The following LDLRAD4 variants were observed in gnomAD, a reference collection of about 807,000 sequenced individuals.
LDLRAD4 encodes the protein low density lipoprotein receptor class A domain containing 4, also known as low-density lipoprotein receptor class A domain-containing protein 4.
A neutral mutation model predicts 17.0 loss-of-function variants in LDLRAD4; 5 were observed. The ratio of observed to expected loss-of-function variants is 0.29; its 90% CI spans 0.15 to 0.62. LDLRAD4 has a LOEUF of 0.62. LDLRAD4 is among the 20% of genes least tolerant of loss of function. LDLRAD4 has a pLI of 0.84. For missense variants in LDLRAD4, 340 were observed against 424.7 expected (o/e 0.80, Z 1.75); for synonymous variants, 168 against 171.8 (o/e 0.98, Z 0.17).
chr18:13,601,395 A>T (rs977831455), intron 3 of LDLRAD4, among the ~76,000 whole-genome samples: 3 of 152,150 alleles, frequency 2.0e-5, no homozygotes, highest in African/African-American at 7.2e-5. Context: ...CACTAACCAT[A>T]AGAGAAATGC....
At chr18:13,445,443 G>A (rs970696541) in intron 3 of LDLRAD4, among the ~76,000 whole-genome samples, 2 of 152,116 alleles carry the variant, frequency 1.3e-5, no homozygotes, top group Admixed American at 1.3e-4. Flanking sequence ...CATGGGTGGA[G>A]TGTGTATGCA....
At chr18:13,328,745 A>G (rs1026880196) in intron 1 of LDLRAD4, among the ~76,000 whole-genome samples, 4 of 152,234 alleles carry the variant, frequency 2.6e-5, no homozygotes, top group African/African-American at 7.2e-5. Flanking sequence ...AGCAGCTCAA[A>G]AAACATATAA....
intron 3 of LDLRAD4, among the ~76,000 whole-genome samples, chr18:13,441,907 T>C (rs1442452750): frequency 6.6e-6 from 1 of 151,996 alleles, no homozygotes; most frequent in South Asian, 2.1e-4. Context: ...GACCAAAGGG[T>C]TTTGCATGGA....
intron 1 of LDLRAD4, among the ~76,000 whole-genome samples, chr18:13,363,160 G>A (rs890824048): frequency 6.6e-6 from 1 of 151,900 alleles, no homozygotes; most frequent in South Asian, 2.1e-4. Flanking sequence ...GAAACCCCGT[G>A]TCTGCTAAAA....
intron 2 of LDLRAD4, among the ~76,000 whole-genome samples, chr18:13,409,862 G>A (rs975968587): frequency 2.0e-5 from 3 of 152,190 alleles, no homozygotes; most frequent in East Asian, 1.9e-4. Context: ...GTCTCAAAGT[G>A]TCTTTCCAAG....
At chr18:13,345,864 A>G (rs1008642688) in intron 1 of LDLRAD4, among the ~76,000 whole-genome samples, 1 of 152,108 alleles carries the variant, frequency 6.6e-6, no homozygotes, top group Non-Finnish European at 1.5e-5. Context: ...GTTTATTTGC[A>G]TAGAGGTGTT....
chr18:13,512,681 T>C (rs2093800570), intron 3 of LDLRAD4, among the ~76,000 whole-genome samples: 1 of 152,212 alleles, frequency 6.6e-6, no homozygotes, highest in South Asian at 2.1e-4. Flanking sequence ...AATTAGAGAT[T>C]GATTTTTCCA....
intron 1 of LDLRAD4, among the ~76,000 whole-genome samples, chr18:13,361,366 T>A (rs1238141000): frequency 6.6e-6 from 1 of 152,180 alleles, no homozygotes; most frequent in East Asian, 1.9e-4. Flanking sequence ...ATACCAACAT[T>A]TCTGGTGGTG....
chr18:13,340,285 A>T (rs1043485552), intron 1 of LDLRAD4, among the ~76,000 whole-genome samples: 6 of 152,306 alleles, frequency 3.9e-5, no homozygotes, highest in Admixed American at 6.5e-5. Flanking sequence ...GGATAGCTCC[A>T]GAAGTGGACT....
chr18:13,312,026 G>A (rs529918448), intron 1 of LDLRAD4, among the ~76,000 whole-genome samples: 36 of 151,916 alleles, frequency 2.4e-4, no homozygotes, highest in Admixed American at 3.3e-4. Context: ...TAGTAGAGAC[G>A]GGGTTTCACC....
chr18:13,561,434 C>A (rs894389861), intron 3 of LDLRAD4: 2 of 152,000 alleles, frequency 1.3e-5, no homozygotes, highest in African/African-American at 4.8e-5. Flanking sequence ...TTTTTGAGCA[C>A]CATTTTTATA....
chr18:13,403,443 C>G (rs1412461021), intron 2 of LDLRAD4, among the ~76,000 whole-genome samples: 1 of 152,174 alleles, frequency 6.6e-6, no homozygotes, highest in African/African-American at 2.4e-5. Flanking sequence ...GGAAAGAGTC[C>G]ATCTGAGAAC....
intron 3 of LDLRAD4, among the ~76,000 whole-genome samples, chr18:13,502,940 T>A (rs1374382961): frequency 6.6e-6 from 1 of 152,186 alleles, no homozygotes; most frequent in Non-Finnish European, 1.5e-5. Context: ...AGAAAGAATT[T>A]AGGGGAGGAA....
At chr18:13,236,720 G>C (rs765009280) in intron 1 of LDLRAD4, among the ~76,000 whole-genome samples, 20 of 152,298 alleles carry the variant, frequency 1.3e-4, no homozygotes, top group South Asian at 1.2e-3. Flanking sequence ...GGGTTTCTGA[G>C]CTGCTGTTGG....
rs185141458 is a variant in LDLRAD4 at position 13,492,573 on chromosome 18, A to C, written c.181+54189A>C. Among the ~76,000 whole-genome samples, 12 of 152,306 alleles carry C rather than the reference A, an allele frequency of 7.9e-5. No individual in the cohort carries two copies. The East Asian group carries it at 2.3e-3, about 29-fold the overall frequency. On this transcript the variant is annotated intron_variant, in intron 3 of 5. Coordinates refer to ENST00000359446, the Ensembl canonical transcript of LDLRAD4. ...CTGGCCTCATCAAAAAGGCCACAGG[A>C]TGGCCAATGGGCATTGTCAGACCCT...
At chr18:13,554,967 G>A (rs1173254227) in intron 3 of LDLRAD4, among the ~76,000 whole-genome samples, 4 of 152,172 alleles carry the variant, frequency 2.6e-5, no homozygotes, top group East Asian at 3.8e-4. Context: ...ATAATGTGCC[G>A]GAAGTGACAC....
chr18:13,525,078 C>T (rs2094009053), intron 3 of LDLRAD4, among the ~76,000 whole-genome samples: 1 of 152,216 alleles, frequency 6.6e-6, no homozygotes, highest in African/African-American at 2.4e-5. Flanking sequence ...GGCACAGACA[C>T]ACGCGTACTC....
At chr18:13,439,571 C>T (rs948917826) in intron 3 of LDLRAD4, among the ~76,000 whole-genome samples, 5 of 152,234 alleles carry the variant, frequency 3.3e-5, no homozygotes, top group Admixed American at 6.5e-5. Flanking sequence ...GGCATTGGGT[C>T]CGTGTTTTGT....
At chr18:13,355,619 CTT>C (rs1289735242) in intron 1 of LDLRAD4, among the ~76,000 whole-genome samples, 1 of 152,162 alleles carries the variant, frequency 6.6e-6, no homozygotes, top group Non-Finnish European at 1.5e-5. Flanking sequence ...ACAAAAGTGA[CTT>C]TTCATTTCCA....
Sources: gnomAD v4.1 joint callset for allele counts (sites outside exome capture counted in the v4.1 genomes callset) on GRCh38, gnomAD v4.1.1 for gene constraint, MANE v1.5 for transcripts, NCBI Gene and HGNC (gene_info 2026-07-23, HGNC 2026-07-21) for gene names.